The following COMMD6 variants were observed in gnomAD, a reference collection of about 807,000 sequenced individuals.
COMMD6 encodes COMM domain containing 6, also known as COMM domain-containing protein 6.
A neutral mutation model predicts 13.4 loss-of-function variants in COMMD6; 11 were observed. That is an observed-to-expected ratio of 0.82 (90% CI 0.52 to 1.36). The LOEUF (loss-of-function observed/expected upper bound fraction) is 1.36, where lower values mean the gene tolerates loss of function less well. Ranked by LOEUF, COMMD6 falls within the 40% of genes most tolerant of loss-of-function variation. COMMD6 has a pLI of 0.00. For missense variants in COMMD6, 124 were observed against 102.4 expected, an observed-to-expected ratio of 1.21 and a Z score of -0.91; for synonymous variants, 43 against 36.5, an observed-to-expected ratio of 1.18 and a Z score of -0.64.
chr13:75,531,846 C>T (rs868497996), intron 2 of COMMD6, among the ~76,000 whole-genome samples: 1 of 152,182 alleles, frequency 6.6e-6, no homozygotes, highest in Non-Finnish European at 1.5e-5. Context: ...CCAAATTCTA[C>T]TAGGGATAGA....
intron 2 of COMMD6, among the ~76,000 whole-genome samples, chr13:75,532,179 G>A (rs1025491606): frequency 6.6e-6 from 1 of 152,162 alleles, no homozygotes; most frequent in Admixed American, 6.5e-5. Flanking sequence ...CTGGGGGACT[G>A]GTAACACTCC....
chr13:75,526,509 C>A lies in COMMD6; in HGVS notation c.*80G>T. 5.5e-6 allele frequency: 5 copies of A among 914,500 alleles called. No homozygotes were observed. Among genetic ancestry groups the A allele is most frequent in the South Asian group, 3.4e-5 (2 of 59,500 alleles). 56.6% of individuals were successfully genotyped at this position (914,500 alleles called of 1,614,324 possible). A position where few individuals can be genotyped will look rare whatever the true frequency, so the allele number is the denominator to read the frequency against. ...TGCATTTTTCATTCAATAAATGTTC[C>A]ATCCTTATTTAGTTTTGTTGCCGAA... is the stretch of plus-strand genomic sequence containing the variant. On this transcript the variant is annotated 3_prime_UTR_variant, in exon 4 of 4. Transcript: ENST00000682242.
intron 2 of COMMD6, among the ~76,000 whole-genome samples, chr13:75,530,819 A>G (rs910637805): frequency 6.6e-6 from 1 of 152,224 alleles, no homozygotes; most frequent in African/African-American, 2.4e-5. Context: ...AATGTGCATA[A>G]AGTCACACAT....
intron 2 of COMMD6, among the ~76,000 whole-genome samples, chr13:75,532,488 G>A (rs1013370955): frequency 3.9e-5 from 6 of 152,124 alleles, no homozygotes; most frequent in Non-Finnish European, 8.8e-5. Flanking sequence ...AATATTGGGC[G>A]GAACCAATTA....
At chr13:75,538,312 T>C (rs1015913768), upstream of COMMD6, among the ~76,000 whole-genome samples, 9 of 152,246 alleles carry the variant, frequency 5.9e-5, no homozygotes, top group African/African-American at 1.7e-4. Flanking sequence ...GCTGTTCCTC[T>C]TGAATCCCAG....
At position 75,530,106 on chromosome 13, in the gene COMMD6, TC is replaced by T; in HGVS notation, c.207+7del. On this transcript the variant is annotated splice_region_variant and intron_variant, in intron 3 of 3. Transcript: ENST00000682242. ...CTGAGCTAAAACTGGATGAGTTAAA[TC>T]ACAAACCTGAAACTGTGGAATCGTC... 1 of 1,607,816 alleles carries T rather than the reference TC, an allele frequency of 6.2e-7. No individual in the cohort carries two copies. The highest frequency in any genetic ancestry group is 8.5e-7 in the Non-Finnish European group (1 of 1,176,804).
chr13:75,540,344 C>CCACACA (rs59520333), upstream of COMMD6, among the ~76,000 whole-genome samples: 48,987 of 147,054 alleles, frequency 0.33, 9,198 homozygotes, highest in East Asian at 0.68. Context: ...ACACACACAC[C>CCACACA]CACACACACA....
chr13:75,531,314 A>T (rs1401903071), intron 2 of COMMD6, among the ~76,000 whole-genome samples: 1 of 152,220 alleles, frequency 6.6e-6, no homozygotes, highest in Non-Finnish European at 1.5e-5. Flanking sequence ...AATGGTTCCC[A>T]AGTGTGCCTC....
Position 75,537,667 on chromosome 13 carries a change from G to A in COMMD6, c.51C>T (p.Asn17=), listed in dbSNP as rs1243567107. The change falls in exon 2 of 4, where the codon AAC becomes AAT. Residue 17 remains asparagine (N), a synonymous_variant. Transcript: ENST00000682242. ...GGCGGGGCGGCCGCTCACCCACCTG[G>A]TTGGTGACCTGAAACGGAAGCAGAA... ...PPLDAKSDVT[N]QLVDFQWKLG... The A allele has an allele frequency of 5.6e-6, 9 of 1,613,744 alleles. No homozygotes were observed. The highest frequency in any genetic ancestry group is 7.6e-6 in the Non-Finnish European group (9 of 1,179,824).
intron 1 of COMMD6, among the ~76,000 whole-genome samples, chr13:75,549,080 A>G (rs2030971244): frequency 1.3e-5 from 2 of 152,136 alleles, no homozygotes; most frequent in Admixed American, 6.5e-5. Flanking sequence ...CCGTAATTCC[A>G]GCACACTTCA....
chr13:75,545,176 G>T (rs952227703), intron 1 of COMMD6, among the ~76,000 whole-genome samples: 1 of 152,212 alleles, frequency 6.6e-6, no homozygotes, highest in African/African-American at 2.4e-5. Flanking sequence ...CAGGAAGGAA[G>T]CTGGACATAC....
chr13:75,533,798 C>T (rs78939515), intron 2 of COMMD6, among the ~76,000 whole-genome samples: 10 of 152,164 alleles, frequency 6.6e-5, no homozygotes, highest in African/African-American at 2.4e-4. Flanking sequence ...TGGGAGAATG[C>T]TGAGGTATCC....
chr13:75,531,948 A>T (rs2030494172), intron 2 of COMMD6, among the ~76,000 whole-genome samples: 1 of 152,256 alleles, frequency 6.6e-6, no homozygotes, highest in Non-Finnish European at 1.5e-5. Context: ...CTGAAAACCC[A>T]AATGTTCAAC....
Position 75,529,271 on chromosome 13 carries a change from G to A in COMMD6, c.207+843C>T, listed in dbSNP as rs368119425. Among the ~76,000 whole-genome samples, 10 of 152,100 alleles carry A rather than the reference G, an allele frequency of 6.6e-5. No individual in the cohort carries two copies. In the East Asian group the frequency reaches 1.2e-3, roughly 18 times the overall value. ...CCCGGTGGCTCACGCCTGTAATCCT[G>A]GCACTTTGGGAGGCCAAGGTGGGTG... On this transcript the variant is annotated intron_variant, in intron 3 of 3. Coordinates refer to ENST00000682242, the MANE Select transcript of COMMD6 (RefSeq NM_203495.4).
chr13:75,544,101 T>A (rs1276357653), intron 1 of COMMD6, among the ~76,000 whole-genome samples: 1 of 146,422 alleles, frequency 6.8e-6, no homozygotes, highest in Non-Finnish European at 1.5e-5. Flanking sequence ...ATTCTGTGTG[T>A]GTTGTGGTGG....
chr13:75,537,733 C>A (rs2030727886), intron 1 of COMMD6, 31 bp downstream of exon 1: 7 of 1,613,960 alleles, frequency 4.3e-6, no homozygotes, highest in Non-Finnish European at 5.9e-6. Context: ...CAGAGCCTCG[C>A]TGCCCACTCT....
At chr13:75,541,005 G>A (rs1360324963), upstream of COMMD6, among the ~76,000 whole-genome samples, 2 of 152,148 alleles carry the variant, frequency 1.3e-5, no homozygotes, top group Admixed American at 1.3e-4. Context: ...ATTGGTTCCA[G>A]GACCAATTAA....
intron 2 of COMMD6, among the ~76,000 whole-genome samples, chr13:75,533,555 C>T (rs118137165): frequency 0.014 from 1,819 of 125,932 alleles, 25 homozygotes; most frequent in Non-Finnish European, 0.02. Context: ...GGCAACAGAG[C>T]GAGACCCCAA....
upstream of COMMD6, among the ~76,000 whole-genome samples, chr13:75,541,032 C>T (rs1300250127): frequency 2.6e-5 from 4 of 152,164 alleles, no homozygotes; most frequent in African/African-American, 9.7e-5. Flanking sequence ...TGACAATGTA[C>T]CAAAATCTGC....
Sources: allele counts gnomAD v4.1 joint callset (sites outside exome capture counted in the v4.1 genomes callset), GRCh38; gene constraint gnomAD v4.1.1; transcripts MANE v1.5; gene names NCBI Gene and HGNC (gene_info 2026-07-23, HGNC 2026-07-21).